Variants in DNAH5 observed in about 807,000 individuals in gnomAD.
DNAH5 encodes the protein axonemal beta dynein heavy chain 5.
DNAH5 carries 372 observed loss-of-function variants against 518.2 expected under a neutral mutation model. That is an observed-to-expected ratio of 0.72 (90% CI 0.66 to 0.78). The LOEUF is 0.78. Ranked by LOEUF, DNAH5 falls within the 30% of genes least tolerant of loss-of-function variation. The pLI is 0.00. For missense variants in DNAH5, 5,523 were observed against 5,687.0 expected, an observed-to-expected ratio of 0.97 and a Z score of 0.93; for synonymous variants, 2,039 against 2,025.9, an observed-to-expected ratio of 1.01 and a Z score of -0.17.
At chr5:13,820,976 G>A (rs1017523188) in intron 40 of DNAH5, among the ~76,000 whole-genome samples, 1 of 152,108 alleles carries the variant, frequency 6.6e-6, no homozygotes, top group Non-Finnish European at 1.5e-5. Context: ...TCTGAAGATG[G>A]ATGGTGGTGA....
chr5:13,804,017 T>C (rs1759173579), intron 47 of DNAH5, among the ~76,000 whole-genome samples: 1 of 152,094 alleles, frequency 6.6e-6, no homozygotes, highest in Non-Finnish European at 1.5e-5. Flanking sequence ...GAAATTATCT[T>C]AATTTTTGCT....
At chr5:13,953,960 G>A (rs774434486) in intron 1 of DNAH5, among the ~76,000 whole-genome samples, 8 of 152,172 alleles carry the variant, frequency 5.3e-5, no homozygotes, top group Non-Finnish European at 1.0e-4. Context: ...CACCCACCTC[G>A]GCCTCCCAAA....
At chr5:13,696,127 G>A (rs1179052399) in intron 78 of DNAH5, among the ~76,000 whole-genome samples, 2 of 152,142 alleles carry the variant, frequency 1.3e-5, no homozygotes. Context: ...TTTTTCCTTA[G>A]CAGGAAATAA....
At chr5:13,990,485 A>G (rs938735958) in intron 1 of DNAH5, among the ~76,000 whole-genome samples, 46 of 152,280 alleles carry the variant, frequency 3.0e-4, no homozygotes, top group African/African-American at 1.1e-3. Flanking sequence ...CCCGGGAGGC[A>G]GAGCTTGCAG....
intron 42 of DNAH5, 71 bp from the exon 43 acceptor site, chr5:13,814,917 A>C: frequency 7.0e-7 from 1 of 1,424,318 alleles, no homozygotes; most frequent in African/African-American, 1.4e-5. Flanking sequence ...TAAGTTTAAA[A>C]TAGCTTGAAG....
At position 13,758,990 on chromosome 5, in the gene DNAH5, A is replaced by G. The variant is rs1751412635; in HGVS notation, c.10282-7T>C. On this transcript the variant is annotated splice_region_variant and splice_polypyrimidine_tract_variant and intron_variant, in intron 60 of 78. Coordinates refer to ENST00000265104, the MANE Select transcript of DNAH5 (RefSeq NM_001369.3). ...CTTGCACCACCAAGTTGGCCTGCAC[A>G]GGACACACACAGAGTGAAGAGATGG... 3 of 1,614,004 alleles carry G rather than the reference A, an allele frequency of 1.9e-6. No homozygotes were observed. The Admixed American group carries it at 5.0e-5, about 27-fold the overall frequency.
intron 6 of DNAH5, among the ~76,000 whole-genome samples, chr5:13,919,942 A>G (rs1777078421): frequency 6.6e-6 from 1 of 152,222 alleles, no homozygotes; most frequent in African/African-American, 2.4e-5. Flanking sequence ...TACCTATTTA[A>G]TGAGCTGTAA....
At chr5:13,875,208 C>A (rs1770712715) in intron 22 of DNAH5, among the ~76,000 whole-genome samples, 1 of 152,194 alleles carries the variant, frequency 6.6e-6, no homozygotes, top group East Asian at 1.9e-4. Context: ...TGGCTCACGA[C>A]TGTAATCCCA....
At position 13,770,902 on chromosome 5, in the gene DNAH5, G is replaced by A. The variant is rs1243099431; in HGVS notation, c.9452C>T (p.Ser3151Phe). Residue 3151 changes from serine (S) to phenylalanine (F), a missense_variant, in exon 56 of 79, where the codon TCC (serine) becomes TTC (phenylalanine). Physicochemically the swap from Ser to Phe is radical, Grantham distance 155 (BLOSUM62 -2). Transcript: ENST00000265104. ...IKKEVVQCMG[S>F]FQDGVAEKCV... is the part of the protein sequence containing the mutation. ...CTTCTCAGCCACCCCATCCTGGAAG[G>A]AGCCCATGCATTGGACCACCTCCTT... is the stretch of plus-strand genomic sequence containing the variant. 1.2e-6 allele frequency: 2 copies of A among 1,613,966 alleles called. No homozygotes were observed. Among genetic ancestry groups the A allele is most frequent in the Admixed American group, 1.7e-5 (1 of 59,992 alleles).
At chr5:13,867,519 A>C (rs1299434614) in intron 25 of DNAH5, among the ~76,000 whole-genome samples, 1 of 152,136 alleles carries the variant, frequency 6.6e-6, no homozygotes, top group Non-Finnish European at 1.5e-5. Flanking sequence ...ACTGTGAGTC[A>C]ATTAAACCTC....
At chr5:13,979,916 T>C (rs1782553481) in intron 1 of DNAH5, among the ~76,000 whole-genome samples, 1 of 150,010 alleles carries the variant, frequency 6.7e-6, no homozygotes, top group African/African-American at 2.5e-5. Flanking sequence ...TTTGGCTCAC[T>C]GCAACCTCCG....
At chr5:13,986,182 G>T (rs1256260334) in intron 1 of DNAH5, among the ~76,000 whole-genome samples, 1 of 152,198 alleles carries the variant, frequency 6.6e-6, no homozygotes, top group East Asian at 1.9e-4. Flanking sequence ...ATGCATTGCG[G>T]CTCCAAGAGG....
intron 68 of DNAH5, among the ~76,000 whole-genome samples, chr5:13,732,203 A>G: frequency 6.6e-6 from 1 of 151,906 alleles, no homozygotes; most frequent in Non-Finnish European, 1.5e-5. Flanking sequence ...TCTAGGAGGC[A>G]CTCTGCTTAT....
intron 70 of DNAH5, among the ~76,000 whole-genome samples, chr5:13,725,204 T>A (rs1223907031): frequency 6.6e-6 from 1 of 152,170 alleles, no homozygotes; most frequent in Non-Finnish European, 1.5e-5. Context: ...CAGGGTGACA[T>A]GAAAGTATGA....
chr5:13,972,766 A>T (rs957289430), intron 1 of DNAH5, among the ~76,000 whole-genome samples: 13 of 152,182 alleles, frequency 8.5e-5, no homozygotes, highest in African/African-American at 3.1e-4. Context: ...ATGTTCCTGC[A>T]GTAGTTCTTG....
intron 1 of DNAH5, among the ~76,000 whole-genome samples, chr5:13,953,449 G>A (rs1780562736): frequency 1.3e-5 from 2 of 152,104 alleles, no homozygotes; most frequent in Admixed American, 6.5e-5. Flanking sequence ...CCCTGGGTGG[G>A]TTCAAACATT....
intron 4 of DNAH5, among the ~76,000 whole-genome samples, chr5:13,922,586 G>A (rs1386887272): frequency 6.6e-6 from 1 of 152,012 alleles, no homozygotes; most frequent in East Asian, 1.9e-4. Context: ...AATTAGGCTG[G>A]TGTGGTGGCA....
chr5:13,829,371 G>T, intron 38 of DNAH5, 139 bp downstream of exon 38: 1 of 719,994 alleles, frequency 1.4e-6, no homozygotes, highest in Non-Finnish European at 2.3e-6. Context: ...AATTATTTTT[G>T]TAGTAATACA....
At position 13,714,442 on chromosome 5, in the gene DNAH5, A is replaced by G; in HGVS notation, c.13088T>C (p.Met4363Thr). The change falls in exon 75 of 79, where the codon ATG (methionine) becomes ACG (threonine). Residue 4363 changes from methionine (M) to threonine (T), a missense_variant. By Grantham distance (81) the Met-to-Thr change is moderately conservative. Transcript: ENST00000265104. ...EAVVARLADD[M>T]LEKLPPDYVP... ...ATAGTCTGGGGGCAGCTTCTCCAGC[A>G]TATCATCAGCCAGCCGGGCCACCAC... The G allele has an allele frequency of 3.1e-6, 5 of 1,614,194 alleles. No individual in the cohort carries two copies. Among genetic ancestry groups the G allele is most frequent in the Non-Finnish European group, 4.2e-6 (5 of 1,180,024 alleles).
Sources: allele counts gnomAD v4.1 joint callset (sites outside exome capture counted in the v4.1 genomes callset), GRCh38; gene constraint gnomAD v4.1.1; transcripts MANE v1.5; gene names NCBI Gene and HGNC (gene_info 2026-07-23, HGNC 2026-07-21).